PALLD: variants seen among roughly 807,000 people sequenced by gnomAD.
PALLD encodes the protein palladin, cytoskeletal associated protein.
In PALLD, 61 loss-of-function variants were observed where a neutral mutation model predicts 123.5. The observed-to-expected ratio is 0.49, with a 90% confidence interval of 0.40 to 0.61. The LOEUF (loss-of-function observed/expected upper bound fraction) is 0.61. Among genes scored for constraint, PALLD ranks in the 20% least tolerant of loss-of-function variants. The pLI, the probability that PALLD is intolerant of heterozygous loss-of-function variation, is 0.00. For synonymous variants in PALLD, 465 were observed against 496.4 expected (o/e 0.94, Z 0.84); for missense variants, 1,273 against 1,377.0 (o/e 0.92, Z 1.20).
At chr4:168,575,126 A>G (rs545877749) in intron 2 of PALLD, among the ~76,000 whole-genome samples, 1 of 152,262 alleles carries the variant, frequency 6.6e-6, no homozygotes, top group East Asian at 1.9e-4. Flanking sequence ...TCGCTACAGC[A>G]ATAGTTCTCT....
chr4:168,852,287 CTGGCTTCATG>C (rs1243656846), intron 10 of PALLD, among the ~76,000 whole-genome samples: 1 of 152,192 alleles, frequency 6.6e-6, no homozygotes, highest in Non-Finnish European at 1.5e-5. Flanking sequence ...ACTGTACTTG[CTGGCTTCATG>C]TGGCTTCATG....
intron 10 of PALLD, among the ~76,000 whole-genome samples, chr4:168,825,731 T>A (rs1743326717): frequency 6.9e-6 from 1 of 145,250 alleles, no homozygotes; most frequent in African/African-American, 2.4e-5. Context: ...GAGAGAGTTT[T>A]ACTTCCTGTA....
At chr4:168,789,251 C>T (rs1430154607) in intron 10 of PALLD, among the ~76,000 whole-genome samples, 1 of 152,126 alleles carries the variant, frequency 6.6e-6, no homozygotes, top group Non-Finnish European at 1.5e-5. Context: ...AAGAGGAGAG[C>T]TCAGATCAAT....
In PALLD at chr4:168,878,273, T is replaced by C; in HGVS notation, c.1965-12649T>C. 1.3e-6 allele frequency: 2 copies of C among 1,526,374 alleles called. No individual in the cohort carries two copies. Among genetic ancestry groups the C allele is most frequent in the Non-Finnish European group, 1.7e-6 (2 of 1,143,536 alleles). The allele number at this position is 1,526,374 out of a possible 1,614,324, so 94.6% of individuals were successfully genotyped here. A position where few individuals can be genotyped will look rare whatever the true frequency, so the allele number is the denominator to read the frequency against. On this transcript the variant is annotated intron_variant, in intron 10 of 21. Transcript: ENST00000505667. ...CCCGGGACAGGCGTCCCACTGCTCG[T>C]CGCCTGCCACCCGCTTCGGCCACAG...
intron 2 of PALLD, among the ~76,000 whole-genome samples, chr4:168,611,200 A>G (rs1372752186): frequency 6.6e-6 from 1 of 151,800 alleles, no homozygotes; most frequent in Non-Finnish European, 1.5e-5. Context: ...CCTGCGCCAT[A>G]CTCTGCCATT....
At chr4:168,668,065 G>GTT in intron 2 of PALLD, 125 bp from the exon 3 acceptor site, 11 of 639,192 alleles carry the variant, frequency 1.7e-5, no homozygotes, top group Non-Finnish European at 2.2e-5. Flanking sequence ...CACTGACATT[G>GTT]TTTTTTTTTT....
chr4:168,546,584 C>T lies in PALLD; in HGVS notation c.908+34172C>T, dbSNP rs76623538. On this transcript the variant is annotated intron_variant, in intron 2 of 21. Coordinates refer to ENST00000505667, the MANE Select transcript of PALLD (RefSeq NM_001166108.2). ...CAGGAGTTACCATGAGAATTTAAGCCCCTGAAAATTCATAGACATCCTGCA... is the reference window on the plus strand; with the variant it reads ...CAGGAGTTACCATGAGAATTTAAGCTCCTGAAAATTCATAGACATCCTGCA... Among the ~76,000 whole-genome samples the T allele has an allele frequency of 7.2e-3, 1,096 of 152,108 alleles. 52 individuals carry two copies. The highest frequency in any genetic ancestry group is 0.066 in the Admixed American group (1,014 of 15,286).
intron 10 of PALLD, among the ~76,000 whole-genome samples, chr4:168,760,099 C>T (rs1319706595): frequency 6.6e-6 from 1 of 152,040 alleles, no homozygotes; most frequent in Non-Finnish European, 1.5e-5. Flanking sequence ...CATGAGGCCT[C>T]TCTCCCTCCC....
At chr4:168,910,612 C>A (rs992834812) in intron 15 of PALLD, among the ~76,000 whole-genome samples, 5 of 152,172 alleles carry the variant, frequency 3.3e-5, no homozygotes, top group African/African-American at 1.2e-4. Flanking sequence ...AAACACAATG[C>A]TGCCCGGTGC....
At chr4:168,792,820 G>A (rs560156464) in intron 10 of PALLD, among the ~76,000 whole-genome samples, 1 of 150,036 alleles carries the variant, frequency 6.7e-6, no homozygotes, top group East Asian at 2.0e-4. Context: ...AGGCTAGAGT[G>A]CAGTGGTGCG....
intron 14 of PALLD, among the ~76,000 whole-genome samples, chr4:168,902,436 G>C (rs1756722360): frequency 6.6e-6 from 1 of 152,176 alleles, no homozygotes; most frequent in Admixed American, 6.6e-5. Flanking sequence ...GATTCATTAT[G>C]ATGGGCCTAT....
chr4:168,594,464 T>C (rs1393806221), intron 2 of PALLD, among the ~76,000 whole-genome samples: 1 of 152,118 alleles, frequency 6.6e-6, no homozygotes, highest in Non-Finnish European at 1.5e-5. Flanking sequence ...ATCCCACTAA[T>C]ACTTAACAAA....
At chr4:168,879,506 T>G (rs1752326008) in intron 10 of PALLD, among the ~76,000 whole-genome samples, 1 of 152,130 alleles carries the variant, frequency 6.6e-6, no homozygotes, top group Admixed American at 6.5e-5. Context: ...TACTAAACAG[T>G]AAAAAGGAGA....
intron 2 of PALLD, among the ~76,000 whole-genome samples, chr4:168,630,951 G>A (rs1214605271): frequency 6.6e-6 from 1 of 152,212 alleles, no homozygotes; most frequent in African/African-American, 2.4e-5. Flanking sequence ...ATACCGCAGA[G>A]AAAGACTGCA....
intron 10 of PALLD, among the ~76,000 whole-genome samples, chr4:168,780,581 C>T (rs1419659663): frequency 6.6e-6 from 1 of 152,168 alleles, no homozygotes; most frequent in Non-Finnish European, 1.5e-5. Flanking sequence ...TTTTCTGTAG[C>T]CAGTTGTTAT....
intron 10 of PALLD, among the ~76,000 whole-genome samples, chr4:168,788,132 A>T (rs77693920): frequency 2.0e-3 from 301 of 152,294 alleles, no homozygotes; most frequent in African/African-American, 7.0e-3. Context: ...ACTCCCATAG[A>T]TAGAAGGTGA....
At chr4:168,719,306 G>A (rs1459628186) in intron 10 of PALLD, among the ~76,000 whole-genome samples, 6 of 131,224 alleles carry the variant, frequency 4.6e-5, no homozygotes, top group Non-Finnish European at 9.3e-5. Flanking sequence ...CACCCAGGCT[G>A]GAGTGCAATG....
chr4:168,662,876 A>G (rs1479975856), intron 2 of PALLD, among the ~76,000 whole-genome samples: 1 of 152,254 alleles, frequency 6.6e-6, no homozygotes, highest in Non-Finnish European at 1.5e-5. Context: ...GTTAGTTTAG[A>G]CAAGAAGGTG....
intron 2 of PALLD, among the ~76,000 whole-genome samples, chr4:168,625,502 G>GATAGATATATATATATATATATATAT: frequency 0.013 from 1,491 of 114,152 alleles, 45 homozygotes; most frequent in African/African-American, 0.018. Flanking sequence ...ATATCCAGGA[G>GATAGATATATATATATATATATATAT]ATATATATAT....
Sources: allele counts gnomAD v4.1 joint callset (sites outside exome capture counted in the v4.1 genomes callset), GRCh38; gene constraint gnomAD v4.1.1; transcripts MANE v1.5; gene names NCBI Gene and HGNC (gene_info 2026-07-23, HGNC 2026-07-21).